The following PTPRD variants were observed in gnomAD, a reference collection of about 807,000 sequenced individuals.
PTPRD encodes the protein receptor-type tyrosine-protein phosphatase delta.
A neutral mutation model predicts 214.5 loss-of-function variants in PTPRD; 34 were observed. That is an observed-to-expected ratio of 0.16 (90% confidence interval 0.12 to 0.21). PTPRD has a LOEUF of 0.21. Ranked by LOEUF, PTPRD falls within the 10% of genes least tolerant of loss-of-function variation. PTPRD has a pLI of 1.00. For missense variants in PTPRD, 2,545 were observed against 2,398.7 expected, an observed-to-expected ratio of 1.06 and a Z score of -1.27; for synonymous variants, 1,128 against 845.7, an observed-to-expected ratio of 1.33 and a Z score of -5.79.
In PTPRD at chr9:8,513,443, C is replaced by A. The variant is rs182670087; in HGVS notation, c.1543+4405G>T. ...ATACTGTTCTTTTGGAATCCGGTTT[C>A]AAACAAAAACAGGAATGTGAATGTC... On this transcript the variant is annotated intron_variant, in intron 21 of 45. Transcript: ENST00000381196. Among the ~76,000 whole-genome samples the A allele has an allele frequency of 3.6e-4, 55 of 151,990 alleles. No homozygotes were observed. In the East Asian group the frequency reaches 0.01, roughly 29 times the overall value.
chr9:9,935,864 T>C (rs1203788668), intron 5 of PTPRD, among the ~76,000 whole-genome samples: 1 of 149,506 alleles, frequency 6.7e-6, no homozygotes, highest in Non-Finnish European at 1.5e-5. Context: ...AGCATGGTAC[T>C]GGTACCAAAA....
intron 3 of PTPRD, among the ~76,000 whole-genome samples, chr9:10,195,345 T>G (rs1203778553): frequency 6.6e-6 from 1 of 152,122 alleles, no homozygotes; most frequent in Non-Finnish European, 1.5e-5. Flanking sequence ...TCCTTTGCCC[T>G]CTTCTGTTTT....
In PTPRD at chr9:9,409,771, A is replaced by G. The variant is rs78033228; in HGVS notation, c.-236-12289T>C. Among the ~76,000 whole-genome samples the G allele has an allele frequency of 6.8e-3, 1,040 of 152,170 alleles. 13 individuals carry two copies. The highest frequency in any genetic ancestry group is 0.023 in the African/African-American group (976 of 41,542). On this transcript the variant is annotated intron_variant, in intron 8 of 45. Transcript: ENST00000381196. Reference sequence around the variant, plus strand: ...TACCATGGGAGCAGCTGATTTTCAAATTTGCTGTATGTCAGTATCTCAATG... The same window carrying G: ...TACCATGGGAGCAGCTGATTTTCAAGTTTGCTGTATGTCAGTATCTCAATG...
intron 39 of PTPRD, among the ~76,000 whole-genome samples, chr9:8,361,957 A>G (rs12553828): frequency 0.27 from 40,971 of 152,190 alleles, 6,010 homozygotes; most frequent in East Asian, 0.42. Context: ...TTCTTAAGCC[A>G]TAGCCAAACT....
intron 3 of PTPRD, among the ~76,000 whole-genome samples, chr9:10,083,094 CTTCT>C (rs998409639): frequency 2.6e-5 from 4 of 152,064 alleles, no homozygotes; most frequent in South Asian, 2.1e-4. Context: ...CTTCTCTCTG[CTTCT>C]TTATTTATGA....
intron 3 of PTPRD, among the ~76,000 whole-genome samples, chr9:10,187,470 T>C (rs971177754): frequency 2.6e-5 from 4 of 152,378 alleles, no homozygotes; most frequent in Non-Finnish European, 4.4e-5. Context: ...TGCTGGAGTT[T>C]AGTGATTCTT....
chr9:8,893,111 G>GA (rs912883906), intron 11 of PTPRD, among the ~76,000 whole-genome samples: 6 of 151,812 alleles, frequency 4.0e-5, no homozygotes, highest in East Asian at 1.9e-4. Context: ...CTGAGTAAAG[G>GA]AAAAAAATAT....
chr9:8,712,572 C>A (rs955981760), intron 12 of PTPRD, among the ~76,000 whole-genome samples: 1 of 152,048 alleles, frequency 6.6e-6, no homozygotes, highest in Non-Finnish European at 1.5e-5. Context: ...AAGCTAGAGA[C>A]AGAATGCACT....
At chr9:9,525,243 A>G (rs2073850117) in intron 8 of PTPRD, among the ~76,000 whole-genome samples, 1 of 152,076 alleles carries the variant, frequency 6.6e-6, no homozygotes, top group Admixed American at 6.6e-5. Flanking sequence ...CCTCTTTGAC[A>G]TTTCATAGTC....
intron 9 of PTPRD, among the ~76,000 whole-genome samples, chr9:9,204,155 T>G (rs1420380686): frequency 2.0e-5 from 3 of 152,162 alleles, no homozygotes; most frequent in Non-Finnish European, 4.4e-5. Context: ...AATAGGGACT[T>G]CTGATTTCTA....
At chr9:9,001,998 G>A (rs1335953526) in intron 11 of PTPRD, among the ~76,000 whole-genome samples, 1 of 130,316 alleles carries the variant, frequency 7.7e-6, no homozygotes, top group Non-Finnish European at 1.6e-5. Context: ...TGTTTGGGGG[G>A]TTGGTGTCGG....
chr9:10,441,289 G>C (rs927026179), intron 2 of PTPRD, among the ~76,000 whole-genome samples: 1 of 151,670 alleles, frequency 6.6e-6, no homozygotes, highest in Admixed American at 6.6e-5. Context: ...GATTTGATCT[G>C]TATTTATCTC....
chr9:9,294,172 A>T (rs1198318665), intron 9 of PTPRD, among the ~76,000 whole-genome samples: 1 of 151,662 alleles, frequency 6.6e-6, no homozygotes. Context: ...CACACTACTA[A>T]GAATGTTGTG....
chr9:10,423,420 G>T (rs1254381659), intron 2 of PTPRD, among the ~76,000 whole-genome samples: 3 of 151,860 alleles, frequency 2.0e-5, no homozygotes, highest in Admixed American at 6.6e-5. Context: ...AAACCTGCAT[G>T]TTGTGCATAT....
chr9:9,373,012 T>C (rs2059926220), intron 9 of PTPRD, among the ~76,000 whole-genome samples: 1 of 152,086 alleles, frequency 6.6e-6, no homozygotes, highest in Admixed American at 6.6e-5. Context: ...GACTTTCTTC[T>C]TCTACATCTC....
chr9:8,668,457 ACTG>A (rs1261065901), intron 12 of PTPRD, among the ~76,000 whole-genome samples: 1 of 152,218 alleles, frequency 6.6e-6, no homozygotes, highest in Non-Finnish European at 1.5e-5. Context: ...CTTTCAGGCA[ACTG>A]CAAGATTAAG....
chr9:8,929,274 A>T (rs1366010262), intron 11 of PTPRD, among the ~76,000 whole-genome samples: 1 of 152,128 alleles, frequency 6.6e-6, no homozygotes, highest in African/African-American at 2.4e-5. Flanking sequence ...GCCGGTTTTC[A>T]AAGGGAATCC....
At chr9:10,567,700 C>G (rs1034573985) in intron 2 of PTPRD, among the ~76,000 whole-genome samples, 2 of 151,712 alleles carry the variant, frequency 1.3e-5, no homozygotes, top group Non-Finnish European at 2.9e-5. Flanking sequence ...TTAAAAAAAC[C>G]TTTGGTTTTT....
chr9:8,644,728 C>A (rs1412934024), intron 12 of PTPRD, among the ~76,000 whole-genome samples: 3 of 152,220 alleles, frequency 2.0e-5, no homozygotes, highest in African/African-American at 7.2e-5. Context: ...GCCATACTAG[C>A]ACCCGGAACC....
Sources: allele counts gnomAD v4.1 joint callset (sites outside exome capture counted in the v4.1 genomes callset), GRCh38; gene constraint gnomAD v4.1.1; transcripts MANE v1.5; gene names NCBI Gene and HGNC (gene_info 2026-07-23, HGNC 2026-07-21).